The following BAZ1A variants were observed in gnomAD, a reference collection of about 807,000 sequenced individuals.
The protein encoded by BAZ1A is bromodomain adjacent to zinc finger domain protein 1A.
In BAZ1A, 50 loss-of-function variants were observed where a neutral mutation model predicts 185.2. The ratio of observed to expected loss-of-function variants is 0.27; its 90% CI spans 0.22 to 0.34. The LOEUF is 0.34. Among genes scored for constraint, BAZ1A ranks in the 10% least tolerant of loss-of-function variants. BAZ1A has a pLI of 1.00. For synonymous variants in BAZ1A, 571 were observed against 615.6 expected (o/e 0.93, Z 1.07); for missense variants, 1,356 against 1,839.9 (o/e 0.74, Z 4.81).
chr14:34,773,667 A>C lies in BAZ1A; in HGVS notation c.3057T>G (p.Ser1019Arg). ...TTATCCCATTTTCCTTGTTTTCCTC[A>C]CTTAACAGCTCATACCGTCCACTTT... ...ALESGRYELL[S>R]EENKENGIIK... is the part of the protein sequence containing the mutation. The change falls in exon 20 of 27, where the codon AGT (serine) becomes AGG (arginine). Residue 1019 changes from serine to arginine, a missense_variant. Ser to Arg is a moderately radical substitution (Grantham distance 110, BLOSUM62 -1). This residue lies in a region of BAZ1A where 434 missense variants were observed against 561.7 expected (regional missense o/e 0.77). Transcript: ENST00000360310. 9.3e-6 allele frequency: 15 copies of C among 1,613,574 alleles called. No individual in the cohort carries two copies. Among genetic ancestry groups the C allele is most frequent in the Non-Finnish European group, 1.3e-5 (15 of 1,179,808 alleles).
At chr14:34,813,528 C>T (rs547262510) in intron 4 of BAZ1A, among the ~76,000 whole-genome samples, 3 of 151,992 alleles carry the variant, frequency 2.0e-5, no homozygotes, top group Non-Finnish European at 4.4e-5. Context: ...ACTAAAAATA[C>T]AAAAAGTTAG....
chr14:34,759,184 T>TTTTTTTTTTTTTTTTTTTG (rs1886410722), intron 24 of BAZ1A, among the ~76,000 whole-genome samples: 5 of 108,028 alleles, frequency 4.6e-5, no homozygotes, highest in African/African-American at 1.2e-4. Flanking sequence ...TTTTTTTTTT[T>TTTTTTTTTTTTTTTTTTTG]TTTTTTTTTT....
chr14:34,851,153 C>G (rs1362100797), intron 3 of BAZ1A, among the ~76,000 whole-genome samples: 13 of 151,640 alleles, frequency 8.6e-5, no homozygotes, highest in Admixed American at 8.6e-4. Context: ...GCCAACGTAG[C>G]GAAATCCCAT....
Position 34,810,948 on chromosome 14 carries a change from C to T in BAZ1A, c.625G>A (p.Ala209Thr). 1 of 1,605,142 alleles carries T rather than the reference C, an allele frequency of 6.2e-7. No homozygotes were observed. The highest frequency in any genetic ancestry group is 8.5e-7 in the Non-Finnish European group (1 of 1,173,738). ...KELHESAIVK[A>T]TQISRRKHLF... is the part of the protein sequence containing the mutation. ...AGTGAGTTTTACCTGATTTGTGTTG[C>T]TTTAACAATAGCAGACTCATGTAAT... Residue 209 changes from alanine (A) to threonine (T), a missense_variant, in exon 5 of 27, where the codon GCA becomes ACA. This residue lies in a region of BAZ1A where 332 missense variants were observed against 395.3 expected (regional missense o/e 0.84). Transcript: ENST00000360310.
At chr14:34,850,497 T>C (rs1040937262) in intron 3 of BAZ1A, among the ~76,000 whole-genome samples, 25 of 152,236 alleles carry the variant, frequency 1.6e-4, no homozygotes, top group African/African-American at 5.8e-4. Context: ...ATAGTTTTTA[T>C]AGTCTAGTCA....
At chr14:34,807,585 A>G in intron 5 of BAZ1A, 47 bp from the exon 6 acceptor site, 2 of 1,375,874 alleles carry the variant, frequency 1.5e-6, no homozygotes, top group Non-Finnish European at 2.1e-6. Flanking sequence ...AGCATCAAAG[A>G]GTTCAACCCC....
At chr14:34,870,387 A>C (rs1443070189) in intron 2 of BAZ1A, among the ~76,000 whole-genome samples, 1 of 152,162 alleles carries the variant, frequency 6.6e-6, no homozygotes, top group African/African-American at 2.4e-5. Context: ...AAATTATCCA[A>C]CTTCCTTTGA....
chr14:34,764,518 C>G (rs1039827376), intron 23 of BAZ1A, among the ~76,000 whole-genome samples, 189 bp downstream of exon 23: 17 of 152,080 alleles, frequency 1.1e-4, no homozygotes, highest in African/African-American at 4.1e-4. Context: ...TCTCGAACTC[C>G]TGACCTCAGG....
At chr14:34,783,309 A>C (rs1203903317) in intron 15 of BAZ1A, 77 bp from the exon 16 acceptor site, 1 of 856,840 alleles carries the variant, frequency 1.2e-6, no homozygotes, top group Non-Finnish European at 1.9e-6. Flanking sequence ...TCTTTAATCA[A>C]ATCATGGAAA....
Position 34,780,376 on chromosome 14 carries a change from T to C in BAZ1A, c.2112-66A>G, listed in dbSNP as rs375406007. 103 of 1,502,092 alleles carry C rather than the reference T, an allele frequency of 6.9e-5. 2 individuals carry two copies. The highest frequency in any genetic ancestry group is 3.1e-4 in the African/African-American group (22 of 70,762). 93.0% of individuals were successfully genotyped at this position (1,502,092 alleles called of 1,614,324 possible). Reference sequence around the variant, plus strand: ...ATAATTCCATTTATGAAATATTTATTGCTTGCTTATGAAGTACCAGGCATT... The same window carrying C: ...ATAATTCCATTTATGAAATATTTATCGCTTGCTTATGAAGTACCAGGCATT... On this transcript the variant is annotated intron_variant, in intron 16 of 26. Coordinates refer to ENST00000360310, the MANE Select transcript of BAZ1A (RefSeq NM_013448.3).
chr14:34,864,001 A>G (rs966870865), intron 2 of BAZ1A, among the ~76,000 whole-genome samples: 1 of 151,394 alleles, frequency 6.6e-6, no homozygotes, highest in Non-Finnish European at 1.5e-5. Flanking sequence ...TTTTTTTGAG[A>G]GTGTAGAGAT....
At chr14:34,868,960 G>A (rs1427198472) in intron 2 of BAZ1A, among the ~76,000 whole-genome samples, 2 of 148,420 alleles carry the variant, frequency 1.3e-5, no homozygotes, top group East Asian at 2.0e-4. Flanking sequence ...TAATATATAC[G>A]TATATATTAT....
At chr14:34,789,490 A>G (rs557793806) in intron 12 of BAZ1A, among the ~76,000 whole-genome samples, 26 of 152,356 alleles carry the variant, frequency 1.7e-4, no homozygotes, top group Non-Finnish European at 2.6e-4. Context: ...TAGTTGAATT[A>G]TATCCAGTAT....
At chr14:34,873,407 C>T (rs1319865414) in intron 2 of BAZ1A, among the ~76,000 whole-genome samples, 1 of 152,200 alleles carries the variant, frequency 6.6e-6, no homozygotes, top group Non-Finnish European at 1.5e-5. Flanking sequence ...TGTTTAAACA[C>T]AAGACGCTAA....
intron 3 of BAZ1A, among the ~76,000 whole-genome samples, chr14:34,834,073 A>G (rs527678411): frequency 2.8e-4 from 43 of 152,180 alleles, no homozygotes; most frequent in Non-Finnish European, 5.9e-4. Flanking sequence ...CCTGTTAGGT[A>G]ATTATGTAGC....
chr14:34,859,421 A>G (rs1185960477), intron 3 of BAZ1A, among the ~76,000 whole-genome samples: 1 of 95,664 alleles, frequency 1.0e-5, no homozygotes, highest in Non-Finnish European at 2.5e-5. Flanking sequence ...ACAGGGCCAG[A>G]CCCTGTCAAA....
Position 34,844,278 on chromosome 14 carries a change from G to A in BAZ1A, c.392+17766C>T, listed in dbSNP as rs116789551. Reference sequence around the variant, plus strand: ...ACCTGAAAAACAAACCAAGAGAACAGTAGCTATAAAAATATAAAATACTTA... The same window carrying A: ...ACCTGAAAAACAAACCAAGAGAACAATAGCTATAAAAATATAAAATACTTA... On this transcript the variant is annotated intron_variant, in intron 3 of 26. Transcript: ENST00000360310. Among the ~76,000 whole-genome samples, 909 of 149,476 alleles carry A rather than the reference G, an allele frequency of 6.1e-3. 16 individuals are homozygous for A. Among genetic ancestry groups the A allele is most frequent in the African/African-American group, 0.022 (878 of 40,636 alleles).
At position 34,792,905 on chromosome 14, in the gene BAZ1A, A is replaced by G. The variant is rs748074334; in HGVS notation, c.1380T>C (p.Ala460=). The change falls in exon 12 of 27, where the codon GCT becomes GCC. Residue 460 remains alanine, a synonymous_variant. Coordinates refer to ENST00000360310, the MANE Select transcript of BAZ1A (RefSeq NM_013448.3). ...GGCCTTCACTGTCATTTCCTACAAGAGCTTCCTCTAATACTTCTGTGAATA... is the reference window on the plus strand; with the variant it reads ...GGCCTTCACTGTCATTTCCTACAAGGGCTTCCTCTAATACTTCTGTGAATA... ...DGVTLEVLEE[A]LVGNDSEGPL... 2.9e-5 allele frequency: 46 copies of G among 1,611,104 alleles called. No homozygotes were observed. The highest frequency in any genetic ancestry group is 3.6e-5 in the Non-Finnish European group (43 of 1,179,374).
chr14:34,841,823 G>T (rs2042419785), intron 3 of BAZ1A, among the ~76,000 whole-genome samples: 1 of 152,078 alleles, frequency 6.6e-6, no homozygotes, highest in Admixed American at 6.6e-5. Context: ...GAACAATTAA[G>T]TACTGATCAT....
Sources: gnomAD v4.1 joint callset for allele counts (sites outside exome capture counted in the v4.1 genomes callset) on GRCh38, gnomAD v4.1.1 for gene constraint, gnomAD v4.1.1 regional missense constraint, MANE v1.5 for transcripts, NCBI Gene and HGNC (gene_info 2026-07-23, HGNC 2026-07-21) for gene names.